SREBF1: variants seen among roughly 807,000 people sequenced by gnomAD.
The protein encoded by SREBF1 is sterol regulatory element-binding protein 1.
SREBF1 carries 45 observed loss-of-function variants against 100.1 expected under a neutral mutation model. The observed-to-expected ratio is 0.45, with a 90% CI of 0.35 to 0.58. The LOEUF is 0.58. Ranked by LOEUF, SREBF1 falls within the 20% of genes least tolerant of loss-of-function variation. SREBF1 has a pLI of 0.00. For missense variants in SREBF1, 1,324 were observed against 1,539.4 expected, an observed-to-expected ratio of 0.86 and a Z score of 2.34; for synonymous variants, 657 against 681.8, an observed-to-expected ratio of 0.96 and a Z score of 0.57.
chr17:17,818,342 G>A lies in SREBF1; in HGVS notation c.1101C>T (p.Ile367=), dbSNP rs376423372. Residue 367 remains isoleucine (I), a synonymous_variant, in exon 6 of 19, where the codon ATC becomes ATT. Transcript: ENST00000261646. ...TGTGTTGCAGAAAGCGAATGTAGTC[G>A]ATGGCCTTGCGCAAGACAGCAGATT... ...LNKSAVLRKA[I]DYIRFLQHSN... 3.1e-6 allele frequency: 5 copies of A among 1,613,752 alleles called. No homozygotes were observed. Among genetic ancestry groups the A allele is most frequent in the East Asian group, 2.2e-5 (1 of 44,864 alleles).
chr17:17,813,730 G>T lies in SREBF1; in HGVS notation c.2941C>A (p.Arg981Ser). 6.5e-7 allele frequency: 1 copy of T among 1,535,806 alleles called. No homozygotes were observed. Residue 981 changes from arginine (R) to serine (S), a missense_variant, in exon 17 of 19, where the codon CGC (arginine) becomes AGC (serine). Coordinates refer to ENST00000261646, the MANE Select transcript of SREBF1 (RefSeq NM_004176.5). ...TGCTGCTGCCGCCACAGGCTGGTGCGCACCACAAGAAGCAGGTCACACAGG... is the reference window on the plus strand; with the variant it reads ...TGCTGCTGCCGCCACAGGCTGGTGCTCACCACAAGAAGCAGGTCACACAGG... ...LFLCDLLLVVRTSLWRQQQPP... is the reference protein window; with the variant it reads ...LFLCDLLLVVSTSLWRQQQPP...
At position 17,836,666 on chromosome 17, in the gene SREBF1, C is replaced by A. The variant is rs1053062490; in HGVS notation, c.91+61G>T. The A allele has an allele frequency of 4.9e-5, 73 of 1,496,880 alleles. 1 individual carries two copies. The South Asian group carries it at 8.0e-4, about 16-fold the overall frequency. The allele number at this position is 1,496,880 out of a possible 1,614,324, so 92.7% of individuals were successfully genotyped here. A position where few individuals can be genotyped will look rare whatever the true frequency, so the allele number is the denominator to read the frequency against. Reference sequence around the variant, plus strand: ...GGGGGAGACAAAGGCCAGGGAGACACCTGCGCGCCCCCTACTCGCGCCACC... The same window carrying A: ...GGGGGAGACAAAGGCCAGGGAGACAACTGCGCGCCCCCTACTCGCGCCACC... On this transcript the variant is annotated intron_variant, in intron 1 of 18. Coordinates refer to ENST00000261646, the MANE Select transcript of SREBF1 (RefSeq NM_004176.5).
At chr17:17,828,928 C>T (rs1268233742) in intron 1 of SREBF1, among the ~76,000 whole-genome samples, 2 of 151,942 alleles carry the variant, frequency 1.3e-5, no homozygotes, top group Non-Finnish European at 2.9e-5. Flanking sequence ...AACAAACTGG[C>T]TCACGCCTGT....
intron 18 of SREBF1, 41 bp downstream of exon 18, chr17:17,813,327 T>C: frequency 1.9e-6 from 3 of 1,542,780 alleles, no homozygotes; most frequent in Non-Finnish European, 2.6e-6. Context: ...CCTTCCCTGC[T>C]GAGCAGACAG....
intron 1 of SREBF1, among the ~76,000 whole-genome samples, chr17:17,831,008 G>A (rs1433677522): frequency 6.7e-6 from 1 of 149,844 alleles, no homozygotes; most frequent in Non-Finnish European, 1.5e-5. Flanking sequence ...AGTGACTCCT[G>A]CCTGGAGCTG....
rs550158924 is a variant in SREBF1 at position 17,816,850 on chromosome 17, C to T, written c.1785+108G>A. 22 of 1,590,234 alleles carry T rather than the reference C, an allele frequency of 1.4e-5. No individual in the cohort carries two copies. The African/African-American group carries it at 1.9e-4, about 14-fold the overall frequency. On this transcript the variant is annotated intron_variant, in intron 9 of 18. Transcript: ENST00000261646. ...GATGCGTGGCTAGGCACAGGGAGGA[C>T]GGGACAGATTCATGGTGTGCACAGG...
chr17:17,815,725 A>G (rs978359428), intron 12 of SREBF1, 135 bp downstream of exon 12: 7 of 968,934 alleles, frequency 7.2e-6, no homozygotes, highest in East Asian at 2.6e-5. Context: ...CCTTCCTGCA[A>G]CCCCCACAGC....
At position 17,812,111 on chromosome 17, in the gene SREBF1, A is replaced by AACTT. The variant is rs1374524869; in HGVS notation, c.*507_*510dup. Reference sequence around the variant, plus strand: ...ATTTCATTTTTAATTCTCTGTACAAAACTTCTCAATCTATGAAAATAAAGT... The same window carrying AACTT: ...ATTTCATTTTTAATTCTCTGTACAAAACTTACTTCTCAATCTATGAAAATAAAGT... On this transcript the variant is annotated 3_prime_UTR_variant, in exon 19 of 19. Transcript: ENST00000261646. 4.7e-6 allele frequency: 2 copies of AACTT among 427,074 alleles called. No homozygotes were observed. The highest frequency in any genetic ancestry group is 2.1e-5 in the African/African-American group (1 of 47,626). The allele number at this position is 427,074 out of a possible 1,614,324, so 26.5% of individuals were successfully genotyped here. A position where few individuals can be genotyped will look rare whatever the true frequency, so the allele number is the denominator to read the frequency against.
chr17:17,817,236 C>T lies in SREBF1; in HGVS notation c.1606+20G>A, dbSNP rs1436420511. 6.2e-7 allele frequency: 1 copy of T among 1,607,188 alleles called. No individual in the cohort carries two copies. The highest frequency in any genetic ancestry group is 8.5e-7 in the Non-Finnish European group (1 of 1,177,386). ...ACCCCGAGTGTCCCTCCCAAAGATG[C>T]CCAGGCTGGCCGGTCCCACCTCTGC... On this transcript the variant is annotated intron_variant, in intron 8 of 18. Coordinates refer to ENST00000261646, the MANE Select transcript of SREBF1 (RefSeq NM_004176.5). The surrounding 1 kb of genome is among the most constrained non-coding windows in gnomAD (Gnocchi z 6.6).
chr17:17,813,133 CTT>C (rs1217159344), intron 18 of SREBF1: 2,775 of 543,844 alleles, frequency 5.1e-3, no homozygotes, highest in South Asian at 6.3e-3. Context: ...GATGCTTGGT[CTT>C]TTTTTTTTTT....
chr17:17,829,864 T>G (rs1038569624), intron 1 of SREBF1, among the ~76,000 whole-genome samples: 1 of 152,154 alleles, frequency 6.6e-6, no homozygotes, highest in Non-Finnish European at 1.5e-5. Context: ...GGTCTTGAAC[T>G]CCCAGACTCA....
rs1046531197 is a variant in SREBF1, at chr17:17,836,956, C to T, written c.-139G>A. 8.3e-6 allele frequency: 6 copies of T among 722,634 alleles called. No individual in the cohort carries two copies. In the African/African-American group the frequency reaches 1.1e-4, roughly 14 times the overall value. The allele number at this position is 722,634 out of a possible 1,614,324, so 44.8% of individuals were successfully genotyped here. ...TGTCCTGCCCTGGCCTCAGAGGCGG[C>T]CCGGCGCCGGCGAAAAGTTCCTCGG... On this transcript the variant is annotated 5_prime_UTR_variant, in exon 1 of 19. Transcript: ENST00000261646.
intron 1 of SREBF1, among the ~76,000 whole-genome samples, chr17:17,826,488 G>C (rs1049284669): frequency 6.6e-6 from 1 of 152,096 alleles, no homozygotes; most frequent in Non-Finnish European, 1.5e-5. Flanking sequence ...TATGAACACT[G>C]AGAAGGCCCT....
chr17:17,812,902 C>T (rs2033065625), intron 18 of SREBF1, 51 bp from the exon 19 acceptor site: 5 of 1,424,166 alleles, frequency 3.5e-6, no homozygotes, highest in Non-Finnish European at 2.8e-6. Context: ...GCCACGCCCC[C>T]GCGGGAGCCC....
In SREBF1 at chr17:17,819,250, C is replaced by T. The variant is rs2033893548; in HGVS notation, c.847-16G>A. Reference sequence around the variant, plus strand: ...TCACCAGGGTCTGCAGGGCCAGGCACATGTTACCAGGTGGGCATGTGTGTG... The same window carrying T: ...TCACCAGGGTCTGCAGGGCCAGGCATATGTTACCAGGTGGGCATGTGTGTG... On this transcript the variant is annotated splice_polypyrimidine_tract_variant and intron_variant, in intron 4 of 18. Coordinates refer to ENST00000261646, the MANE Select transcript of SREBF1 (RefSeq NM_004176.5). 18 of 1,613,924 alleles carry T rather than the reference C, an allele frequency of 1.1e-5. No homozygotes were observed. The highest frequency in any genetic ancestry group is 1.5e-5 in the Non-Finnish European group (18 of 1,180,030).
chr17:17,820,203 G>A lies in SREBF1; in HGVS notation c.410C>T (p.Pro137Leu). The A allele has an allele frequency of 6.2e-7, 1 of 1,613,510 alleles. No homozygotes were observed. Among genetic ancestry groups the A allele is most frequent in the Non-Finnish European group, 8.5e-7 (1 of 1,179,874 alleles). ...VPLSILQTPT[P>L]QPLPGALLPQ... ...CAGGAGGGCCCCTGGCAGGGGCTGT[G>A]GGGTGGGGGTCTGCAGGATGCTCAG... The change falls in exon 2 of 19, where the codon CCA becomes CTA. Residue 137 changes from proline to leucine, a missense_variant. Transcript: ENST00000261646.
In SREBF1 at chr17:17,836,782, C is replaced by T; in HGVS notation, c.36G>A (p.Glu12=). 6.4e-7 allele frequency: 1 copy of T among 1,562,196 alleles called. No individual in the cohort carries two copies. The highest frequency in any genetic ancestry group is 1.4e-5 in the African/African-American group (1 of 73,938). Residue 12 remains glutamate (E), a synonymous_variant, in exon 1 of 19, where the codon GAG becomes GAA. Transcript: ENST00000261646. ...GATCGCACGGCTCGCCCAGCGCCTG[C>T]TCCAAAGCCGCCTCGCTGAAGGGTG... ...DEPPFSEAAL[E]QALGEPCDLD... is the part of the protein sequence containing the mutation.
intron 16 of SREBF1, 67 bp from the exon 17 acceptor site, chr17:17,813,836 G>A (rs766132533): frequency 5.8e-5 from 85 of 1,454,882 alleles, no homozygotes; most frequent in Non-Finnish European, 6.4e-5. Context: ...ATGGGGGCCC[G>A]TGGTGCCAGG....
At chr17:17,823,594 C>A (rs780138877) in intron 1 of SREBF1, 2 of 1,612,624 alleles carry the variant, frequency 1.2e-6, no homozygotes, top group Admixed American at 3.3e-5. Context: ...TACCCCTCCC[C>A]GCGCCGACTT....
Sources: gnomAD v4.1 joint callset for allele counts (sites outside exome capture counted in the v4.1 genomes callset) on GRCh38, gnomAD v4.1.1 for gene constraint, Gnocchi (gnomAD v3.1) non-coding constraint, MANE v1.5 for transcripts, NCBI Gene and HGNC (gene_info 2026-07-23, HGNC 2026-07-21) for gene names.